The following AFAP1 variants were observed in gnomAD, a reference collection of about 807,000 sequenced individuals.
AFAP1 encodes actin filament associated protein 1.
AFAP1 carries 75 observed loss-of-function variants against 93.9 expected under a neutral mutation model. That is an observed-to-expected ratio of 0.80 (90% confidence interval 0.66 to 0.97). AFAP1 has a LOEUF of 0.97. AFAP1 is among the 50% of genes least tolerant of loss of function. The pLI is 0.00. For synonymous variants in AFAP1, 517 were observed against 430.7 expected (o/e 1.20, Z -2.48); for missense variants, 1,201 against 1,050.8 (o/e 1.14, Z -1.98).
chr4:7,885,221 T>A (rs1718078649), intron 1 of AFAP1, among the ~76,000 whole-genome samples: 1 of 152,216 alleles, frequency 6.6e-6, no homozygotes, highest in Admixed American at 6.5e-5. Flanking sequence ...ATTTTCTAGA[T>A]TGTCTCTTTC....
chr4:7,798,119 GCTCACA>G, intron 10 of AFAP1, among the ~76,000 whole-genome samples: 1 of 112,080 alleles, frequency 8.9e-6, no homozygotes, highest in Non-Finnish European at 2.0e-5. Flanking sequence ...CTATTGGCTG[GCTCACA>G]GCACTGCAAC....
intron 3 of AFAP1, among the ~76,000 whole-genome samples, chr4:7,867,277 G>A (rs1716534069): frequency 6.6e-6 from 1 of 152,176 alleles, no homozygotes; most frequent in Non-Finnish European, 1.5e-5. Context: ...AGGGATTAGA[G>A]TGCAGGACTT....
intron 3 of AFAP1, among the ~76,000 whole-genome samples, chr4:7,859,343 C>T (rs1235838848): frequency 1.3e-5 from 2 of 151,998 alleles, no homozygotes; most frequent in African/African-American, 2.4e-5. Flanking sequence ...TGCTTAAACC[C>T]GGGAGGCAGA....
At chr4:7,795,547 C>A (rs1374261365) in intron 10 of AFAP1, among the ~76,000 whole-genome samples, 2 of 149,398 alleles carry the variant, frequency 1.3e-5, no homozygotes, top group African/African-American at 5.0e-5. Flanking sequence ...GCCTCAGCCT[C>A]CCGAGTAGCT....
At chr4:7,841,882 A>G (rs1384531870) in intron 5 of AFAP1, among the ~76,000 whole-genome samples, 12 of 145,316 alleles carry the variant, frequency 8.3e-5, no homozygotes, top group African/African-American at 3.0e-4. Flanking sequence ...GAAGAAGTTA[A>G]GAAGTTAGGG....
At chr4:7,867,131 C>T (rs141054091) in intron 3 of AFAP1, among the ~76,000 whole-genome samples, 1 of 11,878 alleles carries the variant, frequency 8.4e-5, no homozygotes, top group Non-Finnish European at 2.0e-4. Context: ...GGTAGGGGAG[C>T]GGAGGGGAGG....
chr4:7,936,436 T>C (rs1721384448), intron 1 of AFAP1, among the ~76,000 whole-genome samples: 2 of 151,564 alleles, frequency 1.3e-5, no homozygotes, highest in South Asian at 4.1e-4. Context: ...GTGATCCTCC[T>C]ACCTCAGTCT....
Position 7,939,302 on chromosome 4 carries a change from G to A in AFAP1, c.-3+354C>T, listed in dbSNP as rs1299917251. 1.9e-5 allele frequency: 6 copies of A among 309,606 alleles called. No homozygotes were observed. Among genetic ancestry groups the A allele is most frequent in the Non-Finnish European group, 3.9e-5 (6 of 155,334 alleles). 19.2% of individuals were successfully genotyped at this position (309,606 alleles called of 1,614,324 possible). On this transcript the variant is annotated intron_variant, in intron 1 of 17. Coordinates refer to ENST00000420658, the MANE Select transcript of AFAP1 (RefSeq NM_001134647.2). This position sits in a 1 kb window ranked among gnomAD's most constrained non-coding sequence, Gnocchi z 5.6. ...CGGAGCCTCCCACTCTTGGTGACCC[G>A]GACCCCGCCCCACGAGTGGGTCTTC...
At chr4:7,834,573 A>G (rs947868610) in intron 6 of AFAP1, among the ~76,000 whole-genome samples, 1 of 152,286 alleles carries the variant, frequency 6.6e-6, no homozygotes, top group African/African-American at 2.4e-5. Context: ...TTCCGAAAGC[A>G]TAAGGCAGCT....
At chr4:7,875,475 G>A (rs957588227) in intron 1 of AFAP1, among the ~76,000 whole-genome samples, 3 of 151,894 alleles carry the variant, frequency 2.0e-5, no homozygotes, top group African/African-American at 7.3e-5. Context: ...AAAAATGGAC[G>A]AGGCATGTTG....
Position 7,819,171 on chromosome 4 carries a change from C to T in AFAP1, c.727G>A (p.Val243Met). 1.9e-6 allele frequency: 3 copies of T among 1,607,816 alleles called. No individual in the cohort carries two copies. Among genetic ancestry groups the T allele is most frequent in the Middle Eastern group, 1.7e-4 (1 of 6,032 alleles). Residue 243 changes from valine (V) to methionine (M), a missense_variant and splice_region_variant, in exon 7 of 18, where the codon GTG (valine) becomes ATG (methionine). Val to Met is a conservative substitution (Grantham distance 21, BLOSUM62 1). Coordinates refer to ENST00000420658, the MANE Select transcript of AFAP1 (RefSeq NM_001134647.2). ...SKEQAEQWLKVIKEAYSGCSG... is the reference protein window; with the variant it reads ...SKEQAEQWLKMIKEAYSGCSG... Reference sequence around the variant, plus strand: ...CAACCACTGTAGGCTTCTTTGATCACCTATAAAAAGCACAGACACTTTGTG... The same window carrying T: ...CAACCACTGTAGGCTTCTTTGATCATCTATAAAAAGCACAGACACTTTGTG...
intron 1 of AFAP1, among the ~76,000 whole-genome samples, chr4:7,904,756 G>T (rs866044276): frequency 1.3e-5 from 2 of 152,172 alleles, no homozygotes; most frequent in Non-Finnish European, 2.9e-5. Context: ...GACCAGGCTG[G>T]AGTGCAGTGG....
At chr4:7,919,691 T>C (rs990296225) in intron 1 of AFAP1, among the ~76,000 whole-genome samples, 16 of 152,166 alleles carry the variant, frequency 1.1e-4, no homozygotes, top group African/African-American at 3.4e-4. Flanking sequence ...GTTTGTTACA[T>C]AGGTAAATGT....
intron 6 of AFAP1, among the ~76,000 whole-genome samples, chr4:7,824,903 GAATATA>G (rs1721293240): frequency 3.9e-5 from 6 of 152,286 alleles, no homozygotes; most frequent in African/African-American, 1.4e-4. Context: ...TGCAATCTAT[GAATATA>G]AATTTATACA....
chr4:7,845,123 T>C (rs1304554069), intron 4 of AFAP1, among the ~76,000 whole-genome samples: 2 of 152,288 alleles, frequency 1.3e-5, no homozygotes, highest in South Asian at 2.1e-4. Flanking sequence ...TTTTCAACAA[T>C]GAAAAGTTGT....
At chr4:7,839,026 G>T (rs1433383653) in intron 5 of AFAP1, among the ~76,000 whole-genome samples, 1 of 152,100 alleles carries the variant, frequency 6.6e-6, no homozygotes, top group Non-Finnish European at 1.5e-5. Flanking sequence ...TAAATTACAT[G>T]AATGTATTTA....
At chr4:7,783,685 A>G (rs1371389191) in intron 12 of AFAP1, among the ~76,000 whole-genome samples, 1 of 152,200 alleles carries the variant, frequency 6.6e-6, no homozygotes, top group Non-Finnish European at 1.5e-5. Flanking sequence ...CCTAAAGAAC[A>G]CTTGCTCCTG....
chr4:7,893,677 T>C (rs1718605309), intron 1 of AFAP1, among the ~76,000 whole-genome samples: 1 of 151,668 alleles, frequency 6.6e-6, no homozygotes, highest in Non-Finnish European at 1.5e-5. Context: ...CTTCTCAACC[T>C]TTCCTGGGGA....
At chr4:7,874,031 G>A (rs1717304846) in intron 1 of AFAP1, among the ~76,000 whole-genome samples, 1 of 152,200 alleles carries the variant, frequency 6.6e-6, no homozygotes. Flanking sequence ...TTTCTACTGA[G>A]ATCAGCAGTG....
Sources: gnomAD v4.1 joint callset for allele counts (sites outside exome capture counted in the v4.1 genomes callset) on GRCh38, gnomAD v4.1.1 for gene constraint, Gnocchi (gnomAD v3.1) non-coding constraint, MANE v1.5 for transcripts, NCBI Gene and HGNC (gene_info 2026-07-23, HGNC 2026-07-21) for gene names.